WDR70: variants seen among roughly 807,000 people sequenced by gnomAD.
WDR70 encodes WD repeat domain 70.
A neutral mutation model predicts 88.6 loss-of-function variants in WDR70; 53 were observed. The observed-to-expected ratio is 0.60, with a 90% confidence interval of 0.48 to 0.75. The LOEUF (loss-of-function observed/expected upper bound fraction) is 0.75, where lower values mean the gene tolerates loss of function less well. Among genes scored for constraint, WDR70 ranks in the 30% least tolerant of loss-of-function variants. The pLI, the probability that WDR70 is intolerant of heterozygous loss-of-function variation, is 0.00. For missense variants in WDR70, 610 were observed against 823.2 expected (o/e 0.74, Z 3.17); for synonymous variants, 280 against 270.0 (o/e 1.04, Z -0.36).
chr5:37,450,997 T>G (rs1169547247), intron 7 of WDR70, among the ~76,000 whole-genome samples: 2 of 152,072 alleles, frequency 1.3e-5, no homozygotes, highest in Admixed American at 6.6e-5. Flanking sequence ...CTCCTGGGTT[T>G]AAGCGATTCT....
chr5:37,425,380 G>A (rs1393175443), intron 5 of WDR70, among the ~76,000 whole-genome samples: 1 of 152,202 alleles, frequency 6.6e-6, no homozygotes, highest in Non-Finnish European at 1.5e-5. Flanking sequence ...TTAAAATAGG[G>A]CGGTCAAGTT....
At chr5:37,524,581 C>T (rs1341813621) in intron 9 of WDR70, among the ~76,000 whole-genome samples, 1 of 152,132 alleles carries the variant, frequency 6.6e-6, no homozygotes, top group Non-Finnish European at 1.5e-5. Flanking sequence ...AACTAACGAG[C>T]AAAATAACCA....
At position 37,379,560 on chromosome 5, in the gene WDR70, TG is replaced by T. The variant is rs763516637; in HGVS notation, c.91+7del. 8 of 1,613,636 alleles carry T rather than the reference TG, an allele frequency of 5.0e-6. No homozygotes were observed. Among genetic ancestry groups the T allele is most frequent in the Admixed American group, 3.3e-5 (2 of 59,990 alleles). Reference sequence around the variant, plus strand: ...CATGGGCTTCACGGGGTTCGGTGAGTGACTGCCCCAGGCAGAGACCCTCTTC... The same window carrying T: ...CATGGGCTTCACGGGGTTCGGTGAGTACTGCCCCAGGCAGAGACCCTCTTC... On this transcript the variant is annotated splice_region_variant and intron_variant, in intron 2 of 17. Coordinates refer to ENST00000265107, the MANE Select transcript of WDR70 (RefSeq NM_018034.4).
intron 13 of WDR70, among the ~76,000 whole-genome samples, chr5:37,718,079 C>G (rs1747702972): frequency 6.6e-6 from 1 of 152,152 alleles, no homozygotes; most frequent in African/African-American, 2.4e-5. Context: ...TTTAAGGGGT[C>G]TTATTTGCCT....
intron 10 of WDR70, among the ~76,000 whole-genome samples, chr5:37,659,756 G>A (rs1745653957): frequency 1.3e-5 from 2 of 152,162 alleles, no homozygotes; most frequent in African/African-American, 4.8e-5. Context: ...ATGGAGTGGA[G>A]TAGGGAGGGA....
intron 13 of WDR70, among the ~76,000 whole-genome samples, chr5:37,717,526 A>G (rs1030590620): frequency 2.0e-5 from 3 of 152,184 alleles, no homozygotes; most frequent in Admixed American, 6.5e-5. Flanking sequence ...GCACTTCTTC[A>G]AGAACAGGAT....
At chr5:37,724,910 T>C (rs1352130283) in intron 15 of WDR70, 24 bp from the exon 16 acceptor site, 4 of 1,605,658 alleles carry the variant, frequency 2.5e-6, no homozygotes, top group Non-Finnish European at 3.4e-6. Flanking sequence ...TATAATGAAA[T>C]TTTTCAAATG....
chr5:37,530,326 G>A (rs1741443401), intron 9 of WDR70, among the ~76,000 whole-genome samples: 3 of 152,084 alleles, frequency 2.0e-5, no homozygotes, highest in Admixed American at 6.6e-5. Flanking sequence ...TTCATAGAGT[G>A]ATTTAGGGAA....
intron 8 of WDR70, among the ~76,000 whole-genome samples, chr5:37,488,139 A>G (rs144886871): frequency 8.1e-6 from 1 of 123,646 alleles, no homozygotes; most frequent in African/African-American, 3.2e-5. Context: ...CTTCTGGCCT[A>G]TAAGGTTTGT....
At chr5:37,565,122 T>C (rs942748490) in intron 9 of WDR70, among the ~76,000 whole-genome samples, 2 of 152,162 alleles carry the variant, frequency 1.3e-5, no homozygotes, top group Non-Finnish European at 2.9e-5. Context: ...TTGTTCTTTC[T>C]GAGTGTTTCA....
chr5:37,449,614 A>AAAT (rs1554140454), intron 7 of WDR70, among the ~76,000 whole-genome samples: 5 of 120,782 alleles, frequency 4.1e-5, no homozygotes, highest in African/African-American at 1.5e-4. Context: ...TAAAAAATAA[A>AAAT]AAATAAATAA....
chr5:37,594,850 C>G (rs555660873), intron 9 of WDR70, among the ~76,000 whole-genome samples: 3 of 152,048 alleles, frequency 2.0e-5, no homozygotes, highest in Non-Finnish European at 4.4e-5. Flanking sequence ...TGAAGAGGTC[C>G]TTCACATCCC....
intron 9 of WDR70, among the ~76,000 whole-genome samples, chr5:37,556,612 G>T (rs1316394935): frequency 1.3e-5 from 2 of 152,082 alleles, no homozygotes; most frequent in African/African-American, 4.8e-5. Context: ...TCTTTTTAAT[G>T]ATTTTTTAAT....
intron 13 of WDR70, among the ~76,000 whole-genome samples, chr5:37,718,421 T>C (rs1747715411): frequency 6.6e-6 from 1 of 152,170 alleles, no homozygotes; most frequent in Non-Finnish European, 1.5e-5. Context: ...TGAAAACATA[T>C]TTGAGAACTA....
chr5:37,425,464 G>A (rs1413692376), intron 5 of WDR70, among the ~76,000 whole-genome samples: 1 of 152,130 alleles, frequency 6.6e-6, no homozygotes. Flanking sequence ...ATATCTGGGA[G>A]AATGGTGCAG....
At chr5:37,594,675 GA>G (rs2112453796) in intron 9 of WDR70, among the ~76,000 whole-genome samples, 1 of 152,324 alleles carries the variant, frequency 6.6e-6, no homozygotes, top group East Asian at 1.9e-4. Context: ...ATTCTGTGAA[GA>G]AAGTCATTGG....
At chr5:37,690,594 A>T (rs532257529) in intron 10 of WDR70, among the ~76,000 whole-genome samples, 1 of 152,352 alleles carries the variant, frequency 6.6e-6, no homozygotes, top group South Asian at 2.1e-4. Context: ...CCAGAATTTC[A>T]TATCCAGCCA....
chr5:37,707,437 A>G (rs758873519), intron 13 of WDR70, among the ~76,000 whole-genome samples: 1 of 152,250 alleles, frequency 6.6e-6, no homozygotes, highest in Non-Finnish European at 1.5e-5. Flanking sequence ...TACTTTGGTG[A>G]GAGACCTCTA....
chr5:37,585,837 T>C (rs1743349803), intron 9 of WDR70, among the ~76,000 whole-genome samples: 1 of 152,140 alleles, frequency 6.6e-6, no homozygotes, highest in Non-Finnish European at 1.5e-5. Flanking sequence ...TCTGTTGCCT[T>C]TCCAAGGTTT....
Sources: allele counts gnomAD v4.1 joint callset (sites outside exome capture counted in the v4.1 genomes callset), GRCh38; gene constraint gnomAD v4.1.1; transcripts MANE v1.5; gene names NCBI Gene and HGNC (gene_info 2026-07-23, HGNC 2026-07-21).